ANGPT1: variants seen among roughly 807,000 people sequenced by gnomAD.
ANGPT1 encodes the protein angiopoietin-1.
Under a neutral mutation model 62.2 loss-of-function variants are expected in ANGPT1, and 17 were observed. That is an observed-to-expected ratio of 0.27 (90% confidence interval 0.19 to 0.41). The LOEUF (loss-of-function observed/expected upper bound fraction) is 0.41, where lower values mean the gene tolerates loss of function less well. Among genes scored for constraint, ANGPT1 ranks in the 10% least tolerant of loss-of-function variants. The pLI is 1.00. For missense variants in ANGPT1, 478 were observed against 594.9 expected, an observed-to-expected ratio of 0.80 and a Z score of 2.04; for synonymous variants, 199 against 198.9, an observed-to-expected ratio of 1.00 and a Z score of 0.00.
At chr8:107,270,893 T>C (rs1036852202) in intron 7 of ANGPT1, among the ~76,000 whole-genome samples, 10 of 152,164 alleles carry the variant, frequency 6.6e-5, no homozygotes, top group African/African-American at 2.2e-4. Context: ...ACTAAAAGAA[T>C]TGATAATGTA....
At chr8:107,382,643 G>GAA (rs74859906) in intron 1 of ANGPT1, among the ~76,000 whole-genome samples, 1 of 151,078 alleles carries the variant, frequency 6.6e-6, no homozygotes, top group Non-Finnish European at 1.5e-5. Flanking sequence ...ACAGAGCTGG[G>GAA]AAAAAAAAAT....
intron 8 of ANGPT1, among the ~76,000 whole-genome samples, chr8:107,256,545 G>A (rs190143780): frequency 6.6e-6 from 1 of 152,154 alleles, no homozygotes; most frequent in African/African-American, 2.4e-5. Context: ...AAATCTGCAT[G>A]GGATGAAGAT....
In ANGPT1 at chr8:107,371,176, AG is replaced by A. The variant is rs1204006220; in HGVS notation, c.298-24080del. 1.3e-5 allele frequency among the ~76,000 whole-genome samples: 2 copies of A among 152,180 alleles called. 1 individual carries two copies. Among genetic ancestry groups the A allele is most frequent in the Non-Finnish European group, 2.9e-5 (2 of 68,026 alleles). On this transcript the variant is annotated intron_variant, in intron 1 of 8. Coordinates refer to ENST00000517746, the MANE Select transcript of ANGPT1 (RefSeq NM_001146.5). ...GTAACTTTAAGGCTGGAAAAGGAAA[AG>A]GAAAAAGAGAAATAAACTAAATAAT...
chr8:107,351,330 C>A (rs1240641097), intron 1 of ANGPT1, among the ~76,000 whole-genome samples: 1 of 152,046 alleles, frequency 6.6e-6, no homozygotes, highest in Non-Finnish European at 1.5e-5. Context: ...ACCAAACTTG[C>A]AAGGAGAGAA....
chr8:107,391,815 C>T (rs1010126568), intron 1 of ANGPT1, among the ~76,000 whole-genome samples: 1 of 152,160 alleles, frequency 6.6e-6, no homozygotes, highest in South Asian at 2.1e-4. Context: ...TGTTAGTACA[C>T]TGAATATGGT....
intron 1 of ANGPT1, among the ~76,000 whole-genome samples, chr8:107,361,395 G>GAT (rs985750098): frequency 1.3e-5 from 2 of 148,610 alleles, no homozygotes; most frequent in Non-Finnish European, 1.5e-5. Flanking sequence ...AAAATTTGCA[G>GAT]ATATATATAT....
At chr8:107,351,626 G>C (rs1563581654) in intron 1 of ANGPT1, among the ~76,000 whole-genome samples, 1 of 151,812 alleles carries the variant, frequency 6.6e-6, no homozygotes, top group Non-Finnish European at 1.5e-5. Flanking sequence ...TGCATCACTA[G>C]AGGGGGATTA....
chr8:107,366,947 G>A (rs1816286135), intron 1 of ANGPT1, among the ~76,000 whole-genome samples: 1 of 151,906 alleles, frequency 6.6e-6, no homozygotes, highest in African/African-American at 2.4e-5. Flanking sequence ...GAAACCTTAT[G>A]GTGGAGAGAC....
chr8:107,284,567 A>C, intron 7 of ANGPT1, 115 bp downstream of exon 7: 1 of 1,070,094 alleles, frequency 9.3e-7, no homozygotes, highest in Non-Finnish European at 1.2e-6. Context: ...AGACAAAAAA[A>C]AAAGAATTTT....
At chr8:107,276,602 C>A (rs1813872165) in intron 7 of ANGPT1, among the ~76,000 whole-genome samples, 1 of 147,630 alleles carries the variant, frequency 6.8e-6, no homozygotes, top group African/African-American at 2.5e-5. Context: ...GAAATACATA[C>A]ACGGCATGGG....
At chr8:107,448,513 G>A (rs1167667226) in intron 1 of ANGPT1, among the ~76,000 whole-genome samples, 1 of 152,144 alleles carries the variant, frequency 6.6e-6, no homozygotes, top group Non-Finnish European at 1.5e-5. Flanking sequence ...GCAGAAAAGG[G>A]TAATCTCCCA....
chr8:107,452,892 G>C (rs528916196), intron 1 of ANGPT1, among the ~76,000 whole-genome samples: 2 of 151,934 alleles, frequency 1.3e-5, no homozygotes, highest in Non-Finnish European at 2.9e-5. Context: ...CCATTCACAA[G>C]ATTTTCACTA....
intron 1 of ANGPT1, among the ~76,000 whole-genome samples, chr8:107,426,888 G>A (rs1285283233): frequency 6.6e-6 from 1 of 152,174 alleles, no homozygotes; most frequent in Non-Finnish European, 1.5e-5. Flanking sequence ...GTCACCAAAA[G>A]TTCACCAGTG....
chr8:107,365,265 T>C (rs1816248355), intron 1 of ANGPT1, among the ~76,000 whole-genome samples: 1 of 152,212 alleles, frequency 6.6e-6, no homozygotes, highest in South Asian at 2.1e-4. Context: ...TTTATTCATA[T>C]GGTTCACTAC....
chr8:107,450,618 T>C (rs986761366), intron 1 of ANGPT1, among the ~76,000 whole-genome samples: 8 of 151,834 alleles, frequency 5.3e-5, no homozygotes, highest in Admixed American at 4.0e-4. Flanking sequence ...TAAAGTCTAA[T>C]ATTATTTTAA....
At chr8:107,392,567 G>A (rs1001875467) in intron 1 of ANGPT1, among the ~76,000 whole-genome samples, 2 of 152,000 alleles carry the variant, frequency 1.3e-5, no homozygotes, top group African/African-American at 4.8e-5. Context: ...AAAATATTAA[G>A]CCATTAACAC....
intron 1 of ANGPT1, among the ~76,000 whole-genome samples, chr8:107,429,169 T>C (rs969399259): frequency 1.3e-5 from 2 of 152,202 alleles, no homozygotes; most frequent in Non-Finnish European, 2.9e-5. Context: ...TAGGTGCTTA[T>C]ATGTCACAAT....
intron 4 of ANGPT1, among the ~76,000 whole-genome samples, chr8:107,307,679 G>A (rs972910601): frequency 6.6e-6 from 1 of 151,830 alleles, no homozygotes; most frequent in Non-Finnish European, 1.5e-5. Context: ...CTACCATATA[G>A]ATGTTCACTA....
At chr8:107,339,450 C>T (rs1022400271) in intron 2 of ANGPT1, among the ~76,000 whole-genome samples, 19 of 152,252 alleles carry the variant, frequency 1.2e-4, no homozygotes, top group African/African-American at 4.1e-4. Context: ...TTGCAGTTTC[C>T]TCTGCTTGGC....
Sources: allele counts gnomAD v4.1 joint callset (sites outside exome capture counted in the v4.1 genomes callset), GRCh38; gene constraint gnomAD v4.1.1; transcripts MANE v1.5; gene names NCBI Gene and HGNC (gene_info 2026-07-23, HGNC 2026-07-21).